The following DLGAP1 variants were observed in gnomAD, a reference collection of about 807,000 sequenced individuals.
The protein encoded by DLGAP1 is disks large-associated protein 1.
In DLGAP1, 11 loss-of-function variants were observed where a neutral mutation model predicts 90.8. The observed-to-expected ratio is 0.12, with a 90% confidence interval of 0.08 to 0.20. DLGAP1 has a LOEUF of 0.20. DLGAP1 is among the 10% of genes least tolerant of loss of function. The pLI is 1.00. For synonymous variants in DLGAP1, 558 were observed against 540.7 expected (o/e 1.03, Z -0.44); for missense variants, 1,050 against 1,333.8 (o/e 0.79, Z 3.31).
chr18:4,084,757 C>T lies in DLGAP1; in HGVS notation c.-159+66423G>A, dbSNP rs2143660586. On this transcript the variant is annotated intron_variant, in intron 2 of 12. Coordinates refer to ENST00000315677, the MANE Select transcript of DLGAP1 (RefSeq NM_004746.4). The surrounding 1 kb of genome is among the most constrained non-coding windows in gnomAD (Gnocchi z 4.0). ...GGGCTTTCATTTCCTGATAAAGACT[C>T]CCATGTCATGCAACACTTATTAAAT... is the stretch of plus-strand genomic sequence containing the variant. 6.6e-6 allele frequency among the ~76,000 whole-genome samples: 1 copy of T among 152,320 alleles called. No homozygotes were observed. Among genetic ancestry groups the T allele is most frequent in the Middle Eastern group, 3.4e-3 (1 of 294 alleles).
rs2056887137 is a variant in DLGAP1, at chr18:3,600,767, T to TATATATAGATATATAGATATATATAG, written c.1592-18545_1592-18520dup. ...ATATAGATATATATAGATATATAGA[T>TATATATAGATATATAGATATATATAG]ATATATAGATATATAGATATATATA... On this transcript the variant is annotated intron_variant, in intron 7 of 12. Transcript: ENST00000315677. Among the ~76,000 whole-genome samples, 7 of 35,278 alleles carry TATATATAGATATATAGATATATATAG rather than the reference T, an allele frequency of 2.0e-4. 1 individual carries two copies. In the South Asian group the frequency reaches 2.9e-3, roughly 14 times the overall value. The allele number at this position is 35,278 out of a possible 152,430, so 23.1% of individuals were successfully genotyped here.
intron 7 of DLGAP1, among the ~76,000 whole-genome samples, chr18:3,670,786 A>C (rs193295032): frequency 2.0e-4 from 30 of 152,352 alleles, no homozygotes; most frequent in Admixed American, 1.8e-3. Context: ...GTTTGCTGTC[A>C]TTTAAGCAAA....
At chr18:4,080,128 G>A (rs1333935017) in intron 2 of DLGAP1, among the ~76,000 whole-genome samples, 1 of 151,920 alleles carries the variant, frequency 6.6e-6, no homozygotes, top group African/African-American at 2.4e-5. Flanking sequence ...ATGAAGTGAG[G>A]GAAGGAACAA....
At chr18:4,265,377 G>A (rs2079089473) in intron 1 of DLGAP1, among the ~76,000 whole-genome samples, 1 of 151,784 alleles carries the variant, frequency 6.6e-6, no homozygotes, top group African/African-American at 2.4e-5. Flanking sequence ...CACTGTGTTA[G>A]CCATGATGGT....
At chr18:3,931,305 T>C (rs1351667631) in intron 3 of DLGAP1, among the ~76,000 whole-genome samples, 1 of 152,162 alleles carries the variant, frequency 6.6e-6, no homozygotes, top group African/African-American at 2.4e-5. Flanking sequence ...TCTGGCCCAT[T>C]AGGCTGGTGG....
In DLGAP1 at chr18:3,814,068, G is replaced by C; in HGVS notation, c.1163C>G (p.Thr388Ser). 1 of 1,614,056 alleles carries C rather than the reference G, an allele frequency of 6.2e-7. No individual in the cohort carries two copies. The highest frequency in any genetic ancestry group is 8.5e-7 in the Non-Finnish European group (1 of 1,179,988). ...GGTTAGGACTACTCACTTGAGTGTGGTGAGTTCTGTAAGGGATGGCTGAGT... is the reference window on the plus strand; with the variant it reads ...GGTTAGGACTACTCACTTGAGTGTGCTGAGTTCTGTAAGGGATGGCTGAGT... ...KATQPSLTEL[T>S]TLKISNEHSP... is the part of the protein sequence containing the mutation. The change falls in exon 5 of 13, where the codon ACC becomes AGC. Residue 388 changes from threonine (T) to serine (S), a missense_variant. By Grantham distance (58) the Thr-to-Ser change is moderately conservative. Coordinates refer to ENST00000315677, the MANE Select transcript of DLGAP1 (RefSeq NM_004746.4).
chr18:3,656,162 T>A, intron 7 of DLGAP1: 1 of 1,502,224 alleles, frequency 6.7e-7, no homozygotes, highest in South Asian at 1.3e-5. Context: ...CCAAATCGCC[T>A]TTTCCAGGCT....
At chr18:4,172,245 T>C (rs1282076232) in intron 1 of DLGAP1, among the ~76,000 whole-genome samples, 2 of 152,150 alleles carry the variant, frequency 1.3e-5, no homozygotes, top group Non-Finnish European at 2.9e-5. Context: ...TAAATAGAAG[T>C]TATTGTGTTA....
At chr18:4,449,069 T>C (rs2083747115) in intron 1 of DLGAP1, among the ~76,000 whole-genome samples, 1 of 151,782 alleles carries the variant, frequency 6.6e-6, no homozygotes, top group Non-Finnish European at 1.5e-5. Context: ...ACGCAGAAAA[T>C]GAAAAACAAA....
chr18:4,030,242 T>C (rs1035789666), intron 2 of DLGAP1, among the ~76,000 whole-genome samples: 4 of 152,174 alleles, frequency 2.6e-5, no homozygotes, highest in Non-Finnish European at 4.4e-5. Context: ...CCACCCGCCT[T>C]AGCCCAGAAA....
At chr18:3,623,257 C>T (rs547561273) in intron 7 of DLGAP1, among the ~76,000 whole-genome samples, 1 of 152,276 alleles carries the variant, frequency 6.6e-6, no homozygotes, top group Middle Eastern at 3.4e-3. Context: ...AGGAAAAAGT[C>T]TTAGATCAGG....
At chr18:3,609,911 AACTG>A (rs2057519018) in intron 7 of DLGAP1, among the ~76,000 whole-genome samples, 1 of 151,348 alleles carries the variant, frequency 6.6e-6, no homozygotes, top group African/African-American at 2.4e-5. Context: ...TACAAAAATT[AACTG>A]GGCGTGGTGG....
At chr18:4,124,807 G>A (rs1303048676) in intron 2 of DLGAP1, among the ~76,000 whole-genome samples, 16 of 151,810 alleles carry the variant, frequency 1.1e-4, no homozygotes, top group Non-Finnish European at 1.5e-5. Flanking sequence ...CTCTTGATAT[G>A]GGCTATTTCC....
chr18:3,981,433 TA>T (rs1406412990), intron 3 of DLGAP1, among the ~76,000 whole-genome samples: 7 of 152,330 alleles, frequency 4.6e-5, no homozygotes, highest in South Asian at 2.1e-4. Flanking sequence ...CAGCTCCTGC[TA>T]GGGCCATACA....
chr18:4,371,058 A>T (rs1007824682), intron 1 of DLGAP1, among the ~76,000 whole-genome samples: 5 of 152,192 alleles, frequency 3.3e-5, no homozygotes, highest in Admixed American at 6.5e-5. Context: ...GATTCAGGAG[A>T]CATAGAGGTA....
intron 9 of DLGAP1, among the ~76,000 whole-genome samples, chr18:3,563,706 T>C (rs1419506588): frequency 2.6e-5 from 4 of 152,136 alleles, no homozygotes; most frequent in African/African-American, 9.7e-5. Flanking sequence ...TGAGCTCTGG[T>C]GATCCGCCCA....
chr18:4,145,836 C>T (rs1038376402), intron 2 of DLGAP1, among the ~76,000 whole-genome samples: 3 of 152,022 alleles, frequency 2.0e-5, no homozygotes, highest in African/African-American at 7.2e-5. Context: ...AGTTTCTCCC[C>T]AAGCTAGATT....
intron 2 of DLGAP1, among the ~76,000 whole-genome samples, chr18:4,065,270 A>G (rs112277489): frequency 0.033 from 4,963 of 152,226 alleles, 98 homozygotes; most frequent in Non-Finnish European, 0.043. Flanking sequence ...AACCGGCACA[A>G]GACAAGGATG....
At chr18:4,256,144 T>A (rs928165168) in intron 1 of DLGAP1, among the ~76,000 whole-genome samples, 1 of 152,150 alleles carries the variant, frequency 6.6e-6, no homozygotes, top group African/African-American at 2.4e-5. Flanking sequence ...CCACAGTGAA[T>A]CAAAAGCAAT....
Sources: allele counts gnomAD v4.1 joint callset (sites outside exome capture counted in the v4.1 genomes callset), GRCh38; gene constraint gnomAD v4.1.1; non-coding constraint Gnocchi (gnomAD v3.1); transcripts MANE v1.5; gene names NCBI Gene and HGNC (gene_info 2026-07-23, HGNC 2026-07-21).